TAFA2: variants seen among roughly 807,000 people sequenced by gnomAD.
TAFA2 encodes the protein TAFA chemokine like family member 2, also known as chemokine-like protein TAFA-2.
A neutral mutation model predicts 18.8 loss-of-function variants in TAFA2; 7 were observed. That is an observed-to-expected ratio of 0.37 (90% confidence interval 0.21 to 0.70). The LOEUF is 0.70. Ranked by LOEUF, TAFA2 falls within the 30% of genes least tolerant of loss-of-function variation. The pLI is 0.53. For synonymous variants in TAFA2, 60 were observed against 54.2 expected (o/e 1.11, Z -0.47); for missense variants, 122 against 158.1 (o/e 0.77, Z 1.23).
At chr12:62,069,661 G>A (rs1882577709) in intron 1 of TAFA2, among the ~76,000 whole-genome samples, 2 of 152,166 alleles carry the variant, frequency 1.3e-5, no homozygotes, top group South Asian at 2.1e-4. Flanking sequence ...CCAAGTGCTC[G>A]TTTTTTATAC....
intron 1 of TAFA2, among the ~76,000 whole-genome samples, chr12:62,070,925 C>T (rs140633694): frequency 8.1e-4 from 124 of 152,202 alleles, no homozygotes; most frequent in African/African-American, 2.8e-3. Flanking sequence ...TCTGAACATA[C>T]GAAATAAATT....
At chr12:61,859,689 G>A (rs906933339) in intron 2 of TAFA2, among the ~76,000 whole-genome samples, 1 of 152,082 alleles carries the variant, frequency 6.6e-6, no homozygotes, top group African/African-American at 2.4e-5. Context: ...TGATCCGCCC[G>A]CCTCGGTCTC....
chr12:62,144,693 T>C (rs2136911647), intron 1 of TAFA2, among the ~76,000 whole-genome samples: 1 of 152,334 alleles, frequency 6.6e-6, no homozygotes, highest in East Asian at 1.9e-4. Context: ...ATATTTGGCA[T>C]ACATTTAAAG....
intron 4 of TAFA2, among the ~76,000 whole-genome samples, chr12:61,743,653 G>T (rs540120593): frequency 6.6e-6 from 1 of 152,128 alleles, no homozygotes; most frequent in South Asian, 2.1e-4. Flanking sequence ...CTACTCACAG[G>T]TGAAGTGACA....
intron 1 of TAFA2, among the ~76,000 whole-genome samples, chr12:62,233,122 T>C: frequency 8.2e-6 from 1 of 122,004 alleles, no homozygotes; most frequent in Non-Finnish European, 1.6e-5. Context: ...ATTCTGTCAC[T>C]CGGGCTGGAG....
chr12:62,129,665 A>T (rs1390617905), intron 1 of TAFA2, among the ~76,000 whole-genome samples: 1 of 152,030 alleles, frequency 6.6e-6, no homozygotes, highest in East Asian at 1.9e-4. Context: ...GGGTCTCTCA[A>T]ATTCAGAACT....
chr12:61,761,334 C>A, intron 2 of TAFA2, among the ~76,000 whole-genome samples: 1 of 152,048 alleles, frequency 6.6e-6, no homozygotes, highest in Admixed American at 6.6e-5. Flanking sequence ...TAATAATATT[C>A]ATTGCATTAT....
intron 1 of TAFA2, among the ~76,000 whole-genome samples, chr12:62,114,946 A>C (rs1869896843): frequency 6.6e-6 from 1 of 152,158 alleles, no homozygotes; most frequent in Non-Finnish European, 1.5e-5. Flanking sequence ...CATGGGCCAT[A>C]TTCTAATTCA....
chr12:62,177,499 G>A lies in TAFA2; in HGVS notation c.-2+13760C>T, dbSNP rs776344952. Among the ~76,000 whole-genome samples the A allele has an allele frequency of 4.9e-4, 75 of 152,082 alleles. 1 individual carries two copies. The highest frequency in any genetic ancestry group is 9.7e-4 in the Non-Finnish European group (66 of 68,014). ...CTCCTTGGTGTTAAGACATTTCCTG[G>A]GAGATCTCAACCATTCAGAGGATTT... is the stretch of plus-strand genomic sequence containing the variant. On this transcript the variant is annotated intron_variant, in intron 1 of 4. Transcript: ENST00000416284.
chr12:61,903,904 C>T (rs1436465819), intron 1 of TAFA2, among the ~76,000 whole-genome samples: 1 of 152,102 alleles, frequency 6.6e-6, no homozygotes, highest in Non-Finnish European at 1.5e-5. Flanking sequence ...AAGTTATCTG[C>T]CTTTCCAGAC....
At position 62,185,749 on chromosome 12, in the gene TAFA2, T is replaced by G. The variant is rs551004687; in HGVS notation, c.-2+5510A>C. Reference sequence around the variant, plus strand: ...AGTAATATGAATGGCCATTTCTAAATTCTTGACTGATCTGAAAGTCACAAA... The same window carrying G: ...AGTAATATGAATGGCCATTTCTAAAGTCTTGACTGATCTGAAAGTCACAAA... On this transcript the variant is annotated intron_variant, in intron 1 of 4. Coordinates refer to ENST00000416284, the MANE Select transcript of TAFA2 (RefSeq NM_178539.5). Among the ~76,000 whole-genome samples, 20 of 152,322 alleles carry G rather than the reference T, an allele frequency of 1.3e-4. 1 individual carries two copies. The highest frequency in any genetic ancestry group is 4.8e-4 in the African/African-American group (20 of 41,578).
chr12:61,743,257 TCATCCC>T (rs1868541339), intron 4 of TAFA2, among the ~76,000 whole-genome samples: 1 of 152,038 alleles, frequency 6.6e-6, no homozygotes, highest in Non-Finnish European at 1.5e-5. Context: ...GAATTTCTGT[TCATCCC>T]TTAAAAGTCA....
chr12:61,744,345 T>G (rs117821194), intron 4 of TAFA2, among the ~76,000 whole-genome samples: 136 of 152,228 alleles, frequency 8.9e-4, no homozygotes, highest in South Asian at 2.7e-3. Context: ...AGCATCTACA[T>G]CTTAGAGGAA....
chr12:61,839,561 T>C (rs1020865532), intron 2 of TAFA2, among the ~76,000 whole-genome samples: 1 of 152,064 alleles, frequency 6.6e-6, no homozygotes, highest in Non-Finnish European at 1.5e-5. Context: ...GATGGAATAC[T>C]AGGCAGCCTG....
intron 1 of TAFA2, among the ~76,000 whole-genome samples, chr12:61,990,451 T>A (rs1295708499): frequency 6.7e-6 from 1 of 150,254 alleles, no homozygotes; most frequent in African/African-American, 2.5e-5. Flanking sequence ...ACCATTCTCC[T>A]GCCTCAGCCT....
intron 1 of TAFA2, among the ~76,000 whole-genome samples, chr12:62,067,047 C>T (rs1175907278): frequency 6.6e-6 from 1 of 152,040 alleles, no homozygotes; most frequent in East Asian, 1.9e-4. Flanking sequence ...TTTTGATATG[C>T]ATTTATCTGA....
At chr12:62,124,404 A>C (rs1215303472) in intron 1 of TAFA2, among the ~76,000 whole-genome samples, 1 of 152,158 alleles carries the variant, frequency 6.6e-6, no homozygotes, top group Non-Finnish European at 1.5e-5. Context: ...GAGTATATTG[A>C]GCCTACAGTC....
chr12:62,180,091 T>C (rs1565771882), intron 1 of TAFA2, among the ~76,000 whole-genome samples: 1 of 152,224 alleles, frequency 6.6e-6, no homozygotes, highest in Non-Finnish European at 1.5e-5. Flanking sequence ...TAGTGTAACA[T>C]GGACTCTGCT....
chr12:62,256,301 GATTA>G (rs1402968810), intron 1 of TAFA2, among the ~76,000 whole-genome samples: 4 of 151,830 alleles, frequency 2.6e-5, no homozygotes, highest in Non-Finnish European at 4.4e-5. Context: ...TAGGAACCTA[GATTA>G]ATTAATTTGT....
Sources: allele counts gnomAD v4.1 joint callset (sites outside exome capture counted in the v4.1 genomes callset), GRCh38; gene constraint gnomAD v4.1.1; transcripts MANE v1.5; gene names NCBI Gene and HGNC (gene_info 2026-07-23, HGNC 2026-07-21).